Variants in PCDHGB5 observed in about 807,000 individuals in gnomAD.
The protein encoded by PCDHGB5 is protocadherin gamma subfamily B, 5.
Under a neutral mutation model 62.9 loss-of-function variants are expected in PCDHGB5, and 48 were observed. The ratio of observed to expected loss-of-function variants is 0.76; its 90% confidence interval spans 0.61 to 0.97. The LOEUF (loss-of-function observed/expected upper bound fraction) is 0.97. PCDHGB5 is among the 50% of genes least tolerant of loss of function. The pLI is 0.00. For missense variants in PCDHGB5, 1,118 were observed against 1,198.6 expected, an observed-to-expected ratio of 0.93 and a Z score of 0.99; for synonymous variants, 474 against 511.2, an observed-to-expected ratio of 0.93 and a Z score of 0.98.
rs578223384 is a variant in PCDHGB5, at chr5:141,400,070, C to A, written c.1943C>A (p.Pro648Gln). 4 of 1,613,804 alleles carry A rather than the reference C, an allele frequency of 2.5e-6. No individual in the cohort carries two copies. The African/African-American group carries it at 4.0e-5, about 16-fold the overall frequency. The change falls in exon 1 of 4, where the codon CCG (proline) becomes CAG (glutamine). Residue 648 changes from proline (P) to glutamine (Q), a missense_variant. This residue lies in a region of PCDHGB5 where 1,034 missense variants were observed against 1,029.1 expected (regional missense o/e 1.00). Transcript: ENST00000617380. ...GTTGCTGTGCGTGATGGTGGACAGC[C>A]GCCACTCTCCGCCACCGCCACGCTG... ...LLVAVRDGGQ[P>Q]PLSATATLHL...
intron 1 of PCDHGB5, among the ~76,000 whole-genome samples, chr5:141,444,880 G>A (rs527554886): frequency 6.6e-6 from 1 of 152,150 alleles, no homozygotes; most frequent in Non-Finnish European, 1.5e-5. Context: ...AAGCTTGTAG[G>A]ATTTTTGAAT....
At position 141,485,561 on chromosome 5, in the gene PCDHGB5, GCCC is replaced by G; in HGVS notation, c.2398-9242_2398-9240del. ...AGAGATCGTAGATGTGAATGATCAC[GCCC>G]CCCGTTTTCCGCGGCAGCAGCTGGA... On this transcript the variant is annotated intron_variant, in intron 1 of 3. Transcript: ENST00000617380. This position sits in a 1 kb window ranked among gnomAD's most constrained non-coding sequence, Gnocchi z 5.7. 1 of 1,613,008 alleles carries G rather than the reference GCCC, an allele frequency of 6.2e-7. No homozygotes were observed.
At chr5:141,505,085 C>A (rs954289918) in intron 2 of PCDHGB5, among the ~76,000 whole-genome samples, 1 of 152,162 alleles carries the variant, frequency 6.6e-6, no homozygotes, top group Non-Finnish European at 1.5e-5. Context: ...TCGCTTGAAC[C>A]CAGGAGGTGG....
chr5:141,454,990 T>C (rs548911982), intron 1 of PCDHGB5, among the ~76,000 whole-genome samples: 1 of 151,490 alleles, frequency 6.6e-6, no homozygotes, highest in African/African-American at 2.4e-5. Context: ...TAAAAAATAT[T>C]TTTAGTAGAG....
At chr5:141,427,700 C>A in intron 1 of PCDHGB5, 3 of 945,490 alleles carry the variant, frequency 3.2e-6, no homozygotes, top group South Asian at 2.7e-5. Flanking sequence ...TCCCACAAGT[C>A]AGCGCCTCTG....
intron 1 of PCDHGB5, among the ~76,000 whole-genome samples, chr5:141,473,785 A>G (rs1240342191): frequency 6.6e-6 from 1 of 152,226 alleles, no homozygotes; most frequent in Non-Finnish European, 1.5e-5. Context: ...TTAATTCAAG[A>G]GCAGTATGAT....
In PCDHGB5 at chr5:141,432,929, C is replaced by T. The variant is rs759937939; in HGVS notation, c.2397+32405C>T. On this transcript the variant is annotated intron_variant, in intron 1 of 3. Coordinates refer to ENST00000617380, the MANE Select transcript of PCDHGB5 (RefSeq NM_018925.3). This position sits in a 1 kb window ranked among gnomAD's most constrained non-coding sequence, Gnocchi z 6.0. ...GCTGCGGCGCTGGCACAAGTCACGCCTGCTGCAGGCTTCAGGAGGCGGCTT... is the reference window on the plus strand; with the variant it reads ...GCTGCGGCGCTGGCACAAGTCACGCTTGCTGCAGGCTTCAGGAGGCGGCTT... The T allele has an allele frequency of 6.2e-7, 1 of 1,614,078 alleles. No individual in the cohort carries two copies. Among genetic ancestry groups the T allele is most frequent in the African/African-American group, 1.3e-5 (1 of 74,948 alleles).
intron 1 of PCDHGB5, among the ~76,000 whole-genome samples, chr5:141,494,100 G>T (rs559145191): frequency 6.6e-6 from 1 of 152,152 alleles, no homozygotes; most frequent in Non-Finnish European, 1.5e-5. Flanking sequence ...ATTTTTCTCC[G>T]TCTCAGACAG....
intron 1 of PCDHGB5, among the ~76,000 whole-genome samples, chr5:141,467,372 T>C (rs1006663543): frequency 2.0e-5 from 3 of 152,072 alleles, no homozygotes; most frequent in African/African-American, 7.2e-5. Flanking sequence ...TTTTCTTATA[T>C]TGCATTTAGG....
chr5:141,415,905 C>T (rs1278855649), intron 1 of PCDHGB5: 5 of 801,160 alleles, frequency 6.2e-6, no homozygotes, highest in Non-Finnish European at 8.6e-6. Context: ...GACAGACTTC[C>T]ATACAGAAGT....
At chr5:141,507,831 T>C (rs2099864030) in intron 3 of PCDHGB5, among the ~76,000 whole-genome samples, 1 of 152,134 alleles carries the variant, frequency 6.6e-6, no homozygotes, top group African/African-American at 2.4e-5. Context: ...GTGGAGGTGG[T>C]GGGTCAGGCC....
At chr5:141,501,326 CACACA>C (rs2099807944) in intron 2 of PCDHGB5, among the ~76,000 whole-genome samples, 1 of 151,784 alleles carries the variant, frequency 6.6e-6, no homozygotes, top group Non-Finnish European at 1.5e-5. Flanking sequence ...CACACACACA[CACACA>C]CACCCCAAAC....
Position 141,431,351 on chromosome 5 carries a change from C to T in PCDHGB5, c.2397+30827C>T, listed in dbSNP as rs1411192998. On this transcript the variant is annotated intron_variant, in intron 1 of 3. Coordinates refer to ENST00000617380, the MANE Select transcript of PCDHGB5 (RefSeq NM_018925.3). The surrounding 1 kb of genome is among the most constrained non-coding windows in gnomAD (Gnocchi z 4.8). ...TAAGTACCCCGAATTGGTGCTGAAACGCGCCCTGGACCGCGAAGAAAAGGC... is the reference window on the plus strand; with the variant it reads ...TAAGTACCCCGAATTGGTGCTGAAATGCGCCCTGGACCGCGAAGAAAAGGC... The T allele has an allele frequency of 1.9e-6, 3 of 1,613,946 alleles. No homozygotes were observed. Among genetic ancestry groups the T allele is most frequent in the African/African-American group, 2.7e-5 (2 of 74,938 alleles).
chr5:141,482,530 C>CA (rs3074545), intron 1 of PCDHGB5, among the ~76,000 whole-genome samples: 3,839 of 76,186 alleles, frequency 0.05, 137 homozygotes, highest in East Asian at 0.1. Context: ...GACAGACATG[C>CA]AAAAAAAAAA....
intron 2 of PCDHGB5, 54 bp downstream of exon 2, chr5:141,494,919 T>A: frequency 6.2e-7 from 1 of 1,613,926 alleles, no homozygotes; most frequent in South Asian, 1.1e-5. Flanking sequence ...TTCTCAGGGA[T>A]GACGTGGGAG....
rs2097400915 is a variant in PCDHGB5, at chr5:141,431,619, A to G, written c.2397+31095A>G. The stretch of plus-strand genomic sequence containing the variant: ...TATTCCTTCCGGTATGTGGACGACA[A>G]GGCGGCCCAAGTTTTCAAACTAGAT... On this transcript the variant is annotated intron_variant, in intron 1 of 3. Coordinates refer to ENST00000617380, the MANE Select transcript of PCDHGB5 (RefSeq NM_018925.3). The surrounding 1 kb of genome is among the most constrained non-coding windows in gnomAD (Gnocchi z 4.8). 3.1e-6 allele frequency: 5 copies of G among 1,614,230 alleles called. No homozygotes were observed. The highest frequency in any genetic ancestry group is 4.5e-5 in the East Asian group (2 of 44,880).
rs1212833348 is a variant in PCDHGB5 at position 141,431,379 on chromosome 5, C to T, written c.2397+30855C>T. On this transcript the variant is annotated intron_variant, in intron 1 of 3. Transcript: ENST00000617380. The surrounding 1 kb of genome is among the most constrained non-coding windows in gnomAD (Gnocchi z 4.8). ...GCCCTGGACCGCGAAGAAAAGGCTG[C>T]TCACCACCTGGTCCTTACGGCCTCC... is the stretch of plus-strand genomic sequence containing the variant. 3 of 1,613,946 alleles carry T rather than the reference C, an allele frequency of 1.9e-6. No individual in the cohort carries two copies. Among genetic ancestry groups the T allele is most frequent in the Non-Finnish European group, 2.5e-6 (3 of 1,180,020 alleles).
intron 1 of PCDHGB5, chr5:141,414,917 T>A: frequency 6.2e-7 from 1 of 1,614,148 alleles, no homozygotes; most frequent in Non-Finnish European, 8.5e-7. Context: ...GGCGTGGAGC[T>A]GGCGCCCCGC....
intron 2 of PCDHGB5, among the ~76,000 whole-genome samples, chr5:141,501,052 A>G (rs1007055288): frequency 6.6e-6 from 1 of 151,988 alleles, no homozygotes; most frequent in Non-Finnish European, 1.5e-5. Flanking sequence ...TATTTTTAGT[A>G]GAGACGGGGT....
Sources: gnomAD v4.1 joint callset for allele counts (sites outside exome capture counted in the v4.1 genomes callset) on GRCh38, gnomAD v4.1.1 for gene constraint, gnomAD v4.1.1 regional missense constraint, Gnocchi (gnomAD v3.1) non-coding constraint, MANE v1.5 for transcripts, NCBI Gene and HGNC (gene_info 2026-07-23, HGNC 2026-07-21) for gene names.